Variants in CDH10 observed in about 807,000 individuals in gnomAD.
CDH10 encodes cadherin 10, also known as cadherin-10.
Under a neutral mutation model 73.1 loss-of-function variants are expected in CDH10, and 30 were observed. That is an observed-to-expected ratio of 0.41 (90% CI 0.31 to 0.56). CDH10 has a LOEUF of 0.56. Ranked by LOEUF, CDH10 falls within the 20% of genes least tolerant of loss-of-function variation. CDH10 has a pLI of 0.27. For synonymous variants in CDH10, 345 were observed against 348.2 expected (o/e 0.99, Z 0.10); for missense variants, 815 against 973.7 (o/e 0.84, Z 2.17).
intron 5 of CDH10, among the ~76,000 whole-genome samples, chr5:24,523,338 A>G (rs562008350): frequency 2.0e-5 from 3 of 152,270 alleles, no homozygotes; most frequent in African/African-American, 7.2e-5. Flanking sequence ...GGCTTATTTT[A>G]TATATGTATA....
Position 24,590,811 on chromosome 5 carries a change from T to C in CDH10, c.231+2449A>G, listed in dbSNP as rs140799605. Among the ~76,000 whole-genome samples the C allele has an allele frequency of 3.6e-3, 548 of 152,190 alleles. 1 individual carries two copies. The highest frequency in any genetic ancestry group is 0.014 in the Middle Eastern group (4 of 294). ...GAGAGTGCTTTGTGAGCTCCCAAAA[T>C]ATTCCCCACTACAGAGAGATACCTG... On this transcript the variant is annotated intron_variant, in intron 2 of 11. Transcript: ENST00000264463.
At chr5:24,502,989 A>C (rs369660533) in intron 8 of CDH10, among the ~76,000 whole-genome samples, 124 of 152,360 alleles carry the variant, frequency 8.1e-4, no homozygotes, top group African/African-American at 2.8e-3. Flanking sequence ...AGGGGCTATA[A>C]ATAGATATTT....
chr5:24,626,875 AGTGTATATATAT>A (rs1270667615), intron 1 of CDH10, among the ~76,000 whole-genome samples: 31 of 80,402 alleles, frequency 3.9e-4, no homozygotes, highest in Admixed American at 2.3e-3. Flanking sequence ...TGTATATATA[AGTGTATATATAT>A]GTGTATATAT....
At chr5:24,602,110 G>T (rs540043255) in intron 1 of CDH10, among the ~76,000 whole-genome samples, 2 of 152,096 alleles carry the variant, frequency 1.3e-5, no homozygotes, top group Non-Finnish European at 2.9e-5. Context: ...GTCTGATTCA[G>T]TGAATAATTT....
intron 5 of CDH10, among the ~76,000 whole-genome samples, chr5:24,514,072 T>C (rs1743017792): frequency 6.6e-6 from 1 of 152,166 alleles, no homozygotes; most frequent in Admixed American, 6.5e-5. Flanking sequence ...ATATCATTAT[T>C]TGTATATTAT....
intron 2 of CDH10, among the ~76,000 whole-genome samples, chr5:24,542,446 T>C (rs1247228594): frequency 6.6e-6 from 1 of 152,162 alleles, no homozygotes; most frequent in Admixed American, 6.6e-5. Flanking sequence ...GACTTATCAT[T>C]GTGTTATAAT....
chr5:24,581,647 A>T lies in CDH10; in HGVS notation c.231+11613T>A, dbSNP rs141156007. Among the ~76,000 whole-genome samples the T allele has an allele frequency of 2.8e-3, 419 of 152,296 alleles. 3 individuals are homozygous for T. The highest frequency in any genetic ancestry group is 9.8e-3 in the African/African-American group (407 of 41,564). ...CCTGTTATGAATTTGTGAATGAAGC[A>T]ATCCACAAGAAAACAATAGACATCC... On this transcript the variant is annotated intron_variant, in intron 2 of 11. Coordinates refer to ENST00000264463, the MANE Select transcript of CDH10 (RefSeq NM_006727.5).
intron 5 of CDH10, among the ~76,000 whole-genome samples, chr5:24,518,954 G>A (rs1000992125): frequency 3.5e-5 from 5 of 142,104 alleles, no homozygotes; most frequent in Non-Finnish European, 6.0e-5. Flanking sequence ...GCAGTGGTGC[G>A]ATCTTGGCTC....
At chr5:24,491,884 T>A (rs1742067101) in intron 10 of CDH10, 57 bp from the exon 11 acceptor site, 1 of 1,096,598 alleles carries the variant, frequency 9.1e-7, no homozygotes, top group African/African-American at 1.6e-5. Context: ...TTTCCCAATG[T>A]GATCACCAAG....
chr5:24,520,593 T>C (rs1332308452), intron 5 of CDH10, among the ~76,000 whole-genome samples: 1 of 152,212 alleles, frequency 6.6e-6, no homozygotes, highest in Non-Finnish European at 1.5e-5. Context: ...GAGGATGATA[T>C]ATGCACATGT....
chr5:24,519,159 G>A (rs762186362), intron 5 of CDH10, among the ~76,000 whole-genome samples: 16 of 151,934 alleles, frequency 1.1e-4, no homozygotes, highest in African/African-American at 2.9e-4. Flanking sequence ...CCAAAATGCC[G>A]GTATTACAGG....
At chr5:24,622,158 C>T (rs1747339532) in intron 1 of CDH10, among the ~76,000 whole-genome samples, 2 of 152,172 alleles carry the variant, frequency 1.3e-5, no homozygotes, top group Non-Finnish European at 2.9e-5. Context: ...TTGAAGGCTA[C>T]TCAATTCAGT....
chr5:24,580,570 CTTAG>C lies in CDH10; in HGVS notation c.231+12686_231+12689del, dbSNP rs576325590. Among the ~76,000 whole-genome samples, 16 of 152,188 alleles carry C rather than the reference CTTAG, an allele frequency of 1.1e-4. No homozygotes were observed. The East Asian group carries it at 2.1e-3, about 20-fold the overall frequency. ...TAAGCCGAGTATCCATTAGTTAAAA[CTTAG>C]TTAGTATAATATCAACCTTCTGCTA... On this transcript the variant is annotated intron_variant, in intron 2 of 11. Coordinates refer to ENST00000264463, the MANE Select transcript of CDH10 (RefSeq NM_006727.5).
At chr5:24,526,858 C>T (rs568296940) in intron 5 of CDH10, among the ~76,000 whole-genome samples, 11 of 151,776 alleles carry the variant, frequency 7.2e-5, no homozygotes, top group East Asian at 5.8e-4. Context: ...ATGCTAACAA[C>T]GTCTTATCTC....
chr5:24,527,219 G>A (rs1241160268), intron 5 of CDH10, among the ~76,000 whole-genome samples: 1 of 147,530 alleles, frequency 6.8e-6, no homozygotes, highest in African/African-American at 2.5e-5. Context: ...ATGAATATAA[G>A]TATATATAGT....
intron 2 of CDH10, among the ~76,000 whole-genome samples, chr5:24,543,387 G>C (rs985132563): frequency 2.0e-5 from 3 of 152,112 alleles, no homozygotes; most frequent in Non-Finnish European, 4.4e-5. Flanking sequence ...AAATTTCGAT[G>C]AATGAATCAC....
At chr5:24,535,040 TTTTC>T (rs1209539418) in intron 5 of CDH10, 68 bp downstream of exon 5, 50 of 1,363,180 alleles carry the variant, frequency 3.7e-5, no homozygotes, top group Non-Finnish European at 4.7e-5. Flanking sequence ...TTTCTTTTCT[TTTTC>T]TTTCTTTGTC....
intron 1 of CDH10, among the ~76,000 whole-genome samples, chr5:24,615,321 C>T (rs11952069): frequency 0.082 from 12,471 of 152,220 alleles, 637 homozygotes; most frequent in African/African-American, 0.13. Flanking sequence ...TCTCAAATAT[C>T]ACCTCGTTGA....
At chr5:24,577,551 G>A (rs1745649630) in intron 2 of CDH10, among the ~76,000 whole-genome samples, 1 of 151,988 alleles carries the variant, frequency 6.6e-6, no homozygotes, top group African/African-American at 2.4e-5. Flanking sequence ...ATCTGTTAAC[G>A]TTTCTCTTTC....
Sources: gnomAD v4.1 joint callset for allele counts (sites outside exome capture counted in the v4.1 genomes callset) on GRCh38, gnomAD v4.1.1 for gene constraint, MANE v1.5 for transcripts, NCBI Gene and HGNC (gene_info 2026-07-23, HGNC 2026-07-21) for gene names.